KAZN: variants seen among roughly 807,000 people sequenced by gnomAD.
The protein encoded by KAZN is kazrin, periplakin interacting protein.
In KAZN, 40 loss-of-function variants were observed where a neutral mutation model predicts 87.4. The ratio of observed to expected loss-of-function variants is 0.46; its 90% CI spans 0.36 to 0.60. The LOEUF is 0.60. Among genes scored for constraint, KAZN ranks in the 20% least tolerant of loss-of-function variants. KAZN has a pLI of 0.00. For synonymous variants in KAZN, 466 were observed against 458.3 expected, an observed-to-expected ratio of 1.02 and a Z score of -0.22; for missense variants, 898 against 1,073.9, an observed-to-expected ratio of 0.84 and a Z score of 2.29.
At chr1:14,588,922 C>T (rs1011114100) in intron 2 of KAZN, among the ~76,000 whole-genome samples, 21 of 152,156 alleles carry the variant, frequency 1.4e-4, no homozygotes, top group African/African-American at 4.1e-4. Flanking sequence ...CTTGCACTTG[C>T]GGTCCCAGTG....
chr1:14,567,469 G>C (rs1674614388), intron 2 of KAZN, among the ~76,000 whole-genome samples: 1 of 152,192 alleles, frequency 6.6e-6, no homozygotes. Flanking sequence ...AGCACATGCT[G>C]TTGGAAAAAT....
At chr1:14,841,816 C>CG in intron 1 of KAZN, among the ~76,000 whole-genome samples, 1 of 152,308 alleles carries the variant, frequency 6.6e-6, no homozygotes, top group East Asian at 1.9e-4. Context: ...GGCAATGGAT[C>CG]GGACCTGCCT....
At chr1:14,363,967 A>ATTTT (rs34042579) in intron 2 of KAZN, among the ~76,000 whole-genome samples, 56 of 145,860 alleles carry the variant, frequency 3.8e-4, no homozygotes, top group African/African-American at 1.3e-3. Context: ...TACTCACAAT[A>ATTTT]TTTTTTTTTT....
chr1:14,061,875 G>C (rs1219178416), intron 1 of KAZN, among the ~76,000 whole-genome samples: 2 of 152,172 alleles, frequency 1.3e-5, no homozygotes, highest in African/African-American at 4.8e-5. Flanking sequence ...TCGGAAGACT[G>C]TCGAGGTCAC....
intron 2 of KAZN, among the ~76,000 whole-genome samples, chr1:14,378,518 C>T (rs1246184534): frequency 6.6e-6 from 1 of 152,038 alleles, no homozygotes; most frequent in Non-Finnish European, 1.5e-5. Context: ...GTCGACATTA[C>T]CCCCTTTCCC....
At chr1:14,583,101 G>A (rs1189018468) in intron 2 of KAZN, among the ~76,000 whole-genome samples, 2 of 152,186 alleles carry the variant, frequency 1.3e-5, no homozygotes. Context: ...CTATGCGACA[G>A]AAACTACACT....
At chr1:14,409,633 A>G (rs762310091) in intron 2 of KAZN, among the ~76,000 whole-genome samples, 8 of 152,168 alleles carry the variant, frequency 5.3e-5, no homozygotes, top group Admixed American at 1.3e-4. Context: ...CCAGAGAGAC[A>G]TGCACCTTCA....
rs1464328245 is a variant in KAZN at position 15,036,467 on chromosome 1, C to A, written c.555+1582C>A. ...CTTTCATATTAGATGAACTGAGCCT[C>A]CCCATGCCTGTCACAGGCAAACGGT... On this transcript the variant is annotated intron_variant, in intron 3 of 14. Coordinates refer to ENST00000376030, the MANE Select transcript of KAZN (RefSeq NM_201628.3). Among the ~76,000 whole-genome samples, 3 of 151,420 alleles carry A rather than the reference C, an allele frequency of 2.0e-5. No individual in the cohort carries two copies. The East Asian group carries it at 5.8e-4, about 29-fold the overall frequency.
chr1:14,144,166 A>C (rs1332661684), intron 1 of KAZN, among the ~76,000 whole-genome samples: 1 of 151,890 alleles, frequency 6.6e-6, no homozygotes, highest in Non-Finnish European at 1.5e-5. Flanking sequence ...CTTCTCCTCA[A>C]CTCGGATAAG....
intron 1 of KAZN, among the ~76,000 whole-genome samples, chr1:14,636,787 A>C (rs1015955702): frequency 2.0e-5 from 3 of 152,196 alleles, no homozygotes; most frequent in African/African-American, 7.2e-5. Context: ...ACAGCATGGT[A>C]ATTTGATTTT....
At chr1:14,252,288 G>T (rs1650115132) in intron 2 of KAZN, among the ~76,000 whole-genome samples, 1 of 152,318 alleles carries the variant, frequency 6.6e-6, no homozygotes, top group Admixed American at 6.5e-5. Context: ...GTCATAAGCT[G>T]ATGGATAAAC....
chr1:14,821,251 C>T (rs1646729832), intron 1 of KAZN, among the ~76,000 whole-genome samples: 1 of 152,010 alleles, frequency 6.6e-6, no homozygotes, highest in Non-Finnish European at 1.5e-5. Flanking sequence ...AGGTAATTAC[C>T]GCCTGTAATC....
At position 14,922,612 on chromosome 1, in the gene KAZN, C is replaced by T. The variant is rs549078439; in HGVS notation, c.227-38072C>T. 5.9e-5 allele frequency among the ~76,000 whole-genome samples: 9 copies of T among 151,966 alleles called. No homozygotes were observed. In the East Asian group the frequency reaches 1.4e-3, roughly 23 times the overall value. ...TTCGAGACCAGCCTGACCAACATGGCGAAACCCTGTCTCTACTAAAAATAC... is the reference window on the plus strand; with the variant it reads ...TTCGAGACCAGCCTGACCAACATGGTGAAACCCTGTCTCTACTAAAAATAC... On this transcript the variant is annotated intron_variant, in intron 1 of 14. Coordinates refer to ENST00000376030, the MANE Select transcript of KAZN (RefSeq NM_201628.3).
chr1:14,468,846 C>G (rs1668300194), intron 2 of KAZN, among the ~76,000 whole-genome samples: 1 of 152,200 alleles, frequency 6.6e-6, no homozygotes, highest in African/African-American at 2.4e-5. Flanking sequence ...GCAAGATGGT[C>G]TCGCCTTGGT....
intron 2 of KAZN, among the ~76,000 whole-genome samples, chr1:14,378,713 G>T (rs1224700962): frequency 6.6e-6 from 1 of 152,154 alleles, no homozygotes; most frequent in Non-Finnish European, 1.5e-5. Context: ...TAGCCAGAGG[G>T]GGATATTCCA....
chr1:14,385,593 G>T (rs1340666215), intron 2 of KAZN, among the ~76,000 whole-genome samples: 1 of 152,168 alleles, frequency 6.6e-6, no homozygotes, highest in Non-Finnish European at 1.5e-5. Context: ...TCAGGAGCAG[G>T]TTGTTTGGTT....
chr1:14,910,889 T>TA (rs911612525), intron 1 of KAZN, among the ~76,000 whole-genome samples: 6 of 152,142 alleles, frequency 3.9e-5, no homozygotes, highest in African/African-American at 1.4e-4. Context: ...GTGAATTGTT[T>TA]AAAAAAACAC....
intron 2 of KAZN, among the ~76,000 whole-genome samples, chr1:14,186,993 T>A (rs923969922): frequency 2.6e-5 from 4 of 152,172 alleles, no homozygotes; most frequent in Non-Finnish European, 5.9e-5. Flanking sequence ...CTAGCTGATA[T>A]TTGCAGATCA....
chr1:14,364,842 C>T (rs535358017), intron 2 of KAZN, among the ~76,000 whole-genome samples: 1 of 152,302 alleles, frequency 6.6e-6, no homozygotes, highest in South Asian at 2.1e-4. Flanking sequence ...CAATCTCTGC[C>T]TCTGTCTTGC....
Sources: gnomAD v4.1 joint callset for allele counts (sites outside exome capture counted in the v4.1 genomes callset) on GRCh38, gnomAD v4.1.1 for gene constraint, MANE v1.5 for transcripts, NCBI Gene and HGNC (gene_info 2026-07-23, HGNC 2026-07-21) for gene names.